SMG6: variants seen among roughly 807,000 people sequenced by gnomAD.
SMG6 encodes telomerase-binding protein EST1A.
In SMG6, 66 loss-of-function variants were observed where a neutral mutation model predicts 142.2. The ratio of observed to expected loss-of-function variants is 0.46; its 90% CI spans 0.38 to 0.57. The LOEUF (loss-of-function observed/expected upper bound fraction) is 0.57. Ranked by LOEUF, SMG6 falls within the 20% of genes least tolerant of loss-of-function variation. The pLI, the probability that SMG6 is intolerant of heterozygous loss-of-function variation, is 0.00. For synonymous variants in SMG6, 779 were observed against 702.4 expected (o/e 1.11, Z -1.72); for missense variants, 1,793 against 1,832.0 (o/e 0.98, Z 0.39).
intron 13 of SMG6, among the ~76,000 whole-genome samples, chr17:2,162,517 GAAAAA>G (rs56092903): frequency 4.9e-5 from 3 of 60,632 alleles, no homozygotes; most frequent in East Asian, 6.0e-4. Flanking sequence ...CCCCATCTCA[GAAAAA>G]AAAAAAAAAA....
At chr17:2,234,873 A>C (rs993898683) in intron 10 of SMG6, among the ~76,000 whole-genome samples, 2 of 152,302 alleles carry the variant, frequency 1.3e-5, no homozygotes, top group African/African-American at 4.8e-5. Flanking sequence ...AGCACAGCTA[A>C]TTTTTGGTAT....
chr17:2,205,555 C>T (rs1474507134), intron 10 of SMG6, among the ~76,000 whole-genome samples: 1 of 152,082 alleles, frequency 6.6e-6, no homozygotes, highest in Non-Finnish European at 1.5e-5. Flanking sequence ...CATGGATTAA[C>T]AGCCTACCAT....
At position 2,265,458 on chromosome 17, in the gene SMG6, T is replaced by C. The variant is rs188835313; in HGVS notation, c.2661+17189A>G. 9.8e-3 allele frequency among the ~76,000 whole-genome samples: 1,489 copies of C among 151,404 alleles called. 26 individuals carry two copies. Among genetic ancestry groups the C allele is most frequent in the African/African-American group, 0.034 (1,402 of 41,306 alleles). On this transcript the variant is annotated intron_variant, in intron 8 of 18. Transcript: ENST00000263073. ...CTGGGAGGCGGAGGTTGCAGTGAGC[T>C]GAGATTGCGCCACTGCACTCCAGCC...
intron 13 of SMG6, among the ~76,000 whole-genome samples, chr17:2,091,713 C>T (rs925368441): frequency 1.3e-5 from 2 of 150,588 alleles, no homozygotes; most frequent in African/African-American, 4.9e-5. Context: ...CTCTGTTGCC[C>T]AGGCTGGAGT....
At chr17:2,138,641 A>C (rs1436269753) in intron 13 of SMG6, among the ~76,000 whole-genome samples, 1 of 152,186 alleles carries the variant, frequency 6.6e-6, no homozygotes, top group Non-Finnish European at 1.5e-5. Context: ...GTGGTCTATG[A>C]CCCAAGGAAA....
chr17:2,124,445 A>G (rs2069805697), intron 13 of SMG6, among the ~76,000 whole-genome samples: 1 of 152,196 alleles, frequency 6.6e-6, no homozygotes, highest in Admixed American at 6.5e-5. Flanking sequence ...CCAGGGAACA[A>G]AGTTCCATTT....
intron 15 of SMG6, among the ~76,000 whole-genome samples, chr17:2,073,383 GTTTT>G (rs1443738289): frequency 6.6e-6 from 1 of 151,518 alleles, no homozygotes; most frequent in Non-Finnish European, 1.5e-5. Flanking sequence ...TGTGCCCAGC[GTTTT>G]TTTGTTTTGT....
intron 6 of SMG6, among the ~76,000 whole-genome samples, chr17:2,288,243 G>C (rs752140235): frequency 6.6e-6 from 1 of 152,082 alleles, no homozygotes; most frequent in Non-Finnish European, 1.5e-5. Context: ...GAACCCGGGA[G>C]GTGGAGGTTA....
chr17:2,113,849 T>G (rs778083389), intron 13 of SMG6, among the ~76,000 whole-genome samples: 2 of 152,190 alleles, frequency 1.3e-5, no homozygotes, highest in Non-Finnish European at 2.9e-5. Flanking sequence ...GAACTAGTTA[T>G]GAAGTAACAA....
chr17:2,061,969 C>A, intron 18 of SMG6: 1 of 196,350 alleles, frequency 5.1e-6, no homozygotes, highest in Admixed American at 5.5e-5. Context: ...ATGGCTGGCC[C>A]CCAGATCACA....
chr17:2,128,442 A>C (rs1428562956), intron 13 of SMG6, among the ~76,000 whole-genome samples: 1 of 152,176 alleles, frequency 6.6e-6, no homozygotes, highest in Non-Finnish European at 1.5e-5. Context: ...GTGGTACTGG[A>C]CAGGATGGCT....
chr17:2,155,760 T>C (rs115845805), intron 13 of SMG6, among the ~76,000 whole-genome samples: 206 of 152,328 alleles, frequency 1.4e-3, no homozygotes, highest in African/African-American at 4.7e-3. Context: ...CATGTAAGCA[T>C]ATGCACACAT....
At chr17:2,244,973 G>C (rs1056898503) in intron 8 of SMG6, 28 of 510,948 alleles carry the variant, frequency 5.5e-5, no homozygotes, top group Non-Finnish European at 9.1e-5. Flanking sequence ...CTGTGTGCAG[G>C]GGATGAGGCG....
intron 13 of SMG6, among the ~76,000 whole-genome samples, chr17:2,171,100 C>G (rs2071488259): frequency 6.6e-6 from 1 of 151,786 alleles, no homozygotes; most frequent in Non-Finnish European, 1.5e-5. Context: ...ATGGTGAAAC[C>G]CCATCTCTAT....
chr17:2,277,000 C>T (rs963755584), intron 8 of SMG6, among the ~76,000 whole-genome samples: 1 of 151,950 alleles, frequency 6.6e-6, no homozygotes, highest in Non-Finnish European at 1.5e-5. Flanking sequence ...AGCCTGGTCT[C>T]GAACTCCCAA....
In SMG6 at chr17:2,230,216, AAAAAAG is replaced by A. The variant is rs758422403; in HGVS notation, c.2869+6270_2869+6275del. 4.0e-3 allele frequency among the ~76,000 whole-genome samples: 303 copies of A among 75,488 alleles called. 42 individuals carry two copies. The highest frequency in any genetic ancestry group is 0.023 in the East Asian group (32 of 1,396). 49.5% of individuals were successfully genotyped at this position (75,488 alleles called of 152,430 possible). A position where few individuals can be genotyped will look rare whatever the true frequency, so the allele number is the denominator to read the frequency against. ...AAAAAAAAAAAAAAAAAAAAAAAAA[AAAAAAG>A]GAAAAGAAAGGAAAAGAAAAGTGTC... is the stretch of plus-strand genomic sequence containing the variant. On this transcript the variant is annotated intron_variant, in intron 10 of 18. Transcript: ENST00000263073.
chr17:2,160,786 G>C (rs2071151803), intron 13 of SMG6, among the ~76,000 whole-genome samples: 1 of 151,990 alleles, frequency 6.6e-6, no homozygotes, highest in East Asian at 1.9e-4. Flanking sequence ...AGCCATGATT[G>C]TATCACTGCC....
chr17:2,293,795 G>C (rs1401597338), intron 4 of SMG6, among the ~76,000 whole-genome samples: 2 of 152,200 alleles, frequency 1.3e-5, no homozygotes, highest in African/African-American at 4.8e-5. Context: ...CATCATTATA[G>C]TCTTTCTTCA....
rs148043002 is a variant in SMG6 at position 2,244,704 on chromosome 17, T to C, written c.2677A>G (p.Ile893Val). ...LSPSDLNKRF[I>V]LSFLHAHGKL... ...CCATGGGCATGGAGAAAACTGAGGA[T>C]GAACCTTTTGTTCAGCTGCATGGGA... The change falls in exon 9 of 19, where the codon ATC (isoleucine) becomes GTC (valine). Residue 893 changes from isoleucine (I) to valine (V), a missense_variant. By Grantham distance (29) the Ile-to-Val change is conservative (BLOSUM62 3). This residue lies in a region of SMG6 where 1,597 missense variants were observed against 1,584.6 expected (regional missense o/e 1.01). Coordinates refer to ENST00000263073, the MANE Select transcript of SMG6 (RefSeq NM_017575.5). 80 of 1,613,994 alleles carry C rather than the reference T, an allele frequency of 5.0e-5. No individual in the cohort carries two copies. The East Asian group carries it at 8.0e-4, about 16-fold the overall frequency.
Sources: gnomAD v4.1 joint callset for allele counts (sites outside exome capture counted in the v4.1 genomes callset) on GRCh38, gnomAD v4.1.1 for gene constraint, gnomAD v4.1.1 regional missense constraint, MANE v1.5 for transcripts, NCBI Gene and HGNC (gene_info 2026-07-23, HGNC 2026-07-21) for gene names.